EIF2AK2: variants seen among roughly 807,000 people sequenced by gnomAD.
EIF2AK2 encodes the protein eukaryotic translation initiation factor 2 alpha kinase 2, also known as interferon-induced, double-stranded RNA-activated protein kinase.
A neutral mutation model predicts 70.5 loss-of-function variants in EIF2AK2; 40 were observed. The ratio of observed to expected loss-of-function variants is 0.57; its 90% CI spans 0.44 to 0.74. EIF2AK2 has a LOEUF of 0.74. Among genes scored for constraint, EIF2AK2 ranks in the 30% least tolerant of loss-of-function variants. EIF2AK2 has a pLI of 0.00. For synonymous variants in EIF2AK2, 198 were observed against 220.9 expected (o/e 0.90, Z 0.92); for missense variants, 555 against 644.3 (o/e 0.86, Z 1.50).
chr2:37,147,093 T>G (rs1675572528), intron 3 of EIF2AK2, 120 bp from the exon 4 acceptor site: 2 of 940,370 alleles, frequency 2.1e-6, no homozygotes, highest in Middle Eastern at 3.5e-4. Flanking sequence ...ACATTCAATA[T>G]AGCATTTAAG....
chr2:37,134,304 C>G (rs1272947337), intron 10 of EIF2AK2, among the ~76,000 whole-genome samples: 4 of 152,186 alleles, frequency 2.6e-5, no homozygotes, highest in Admixed American at 2.6e-4. Context: ...AAACACACCC[C>G]ACTTTTACAA....
At chr2:37,119,904 T>A in intron 13 of EIF2AK2, 55 bp downstream of exon 13, 1 of 1,034,228 alleles carries the variant, frequency 9.7e-7, no homozygotes, top group Non-Finnish European at 1.2e-6. Context: ...GAAGATATAT[T>A]TTAAAATTAC....
At chr2:37,139,105 C>T (rs1235324700) in intron 6 of EIF2AK2, among the ~76,000 whole-genome samples, 1 of 151,814 alleles carries the variant, frequency 6.6e-6, no homozygotes, top group African/African-American at 2.4e-5. Context: ...ATCATGAGGT[C>T]AGGAGTTCAA....
intron 1 of EIF2AK2, among the ~76,000 whole-genome samples, chr2:37,152,053 GA>G (rs1413034924): frequency 6.6e-6 from 1 of 152,312 alleles, no homozygotes; most frequent in East Asian, 1.9e-4. Flanking sequence ...GCGACAGAGC[GA>G]AGACTCCATC....
In EIF2AK2 at chr2:37,126,923, C is replaced by T. The variant is rs554712924; in HGVS notation, c.786-512G>A. 5.7e-4 allele frequency among the ~76,000 whole-genome samples: 78 copies of T among 136,058 alleles called. No homozygotes were observed. The South Asian group carries it at 0.017, about 30-fold the overall frequency. The allele number at this position is 136,058 out of a possible 152,430, so 89.3% of individuals were successfully genotyped here. On this transcript the variant is annotated intron_variant, in intron 10 of 16. Coordinates refer to ENST00000233057, the MANE Select transcript of EIF2AK2 (RefSeq NM_001135651.3). ...AGTGAGCCAAGATCACACCACTGCA[C>T]TCCAGCCTGGGCGACAAGAATGAAA...
In EIF2AK2 at chr2:37,120,113, T is replaced by C. The variant is rs781012055; in HGVS notation, c.1094A>G (p.Gln365Arg). Residue 365 changes from glutamine (Q) to arginine (R), a missense_variant, in exon 13 of 17, where the codon CAA (glutamine) becomes CGA (arginine). Coordinates refer to ENST00000233057, the MANE Select transcript of EIF2AK2 (RefSeq NM_001135651.3). ...GGTCCCTTTATCACAGAATTCCATT[T>C]GGATGAAAAGGCACTTAGTCTTTGA... is the stretch of plus-strand genomic sequence containing the variant. ...SRSKTKCLFI[Q>R]MEFCDKGTLE... is the part of the protein sequence containing the mutation. 1 of 1,472,286 alleles carries C rather than the reference T, an allele frequency of 6.8e-7. No homozygotes were observed. The highest frequency in any genetic ancestry group is 2.6e-5 in the East Asian group (1 of 38,632). 91.2% of individuals were successfully genotyped at this position (1,472,286 alleles called of 1,614,324 possible). A position where few individuals can be genotyped will look rare whatever the true frequency, so the allele number is the denominator to read the frequency against.
intron 11 of EIF2AK2, 76 bp downstream of exon 11, chr2:37,126,213 G>C (rs1558416738): frequency 5.5e-6 from 8 of 1,463,298 alleles, no homozygotes; most frequent in East Asian, 4.7e-5. Flanking sequence ...TAATAAAGAA[G>C]AGAGAAGCAT....
intron 10 of EIF2AK2, among the ~76,000 whole-genome samples, chr2:37,134,783 C>G (rs988561858): frequency 4.0e-5 from 6 of 150,760 alleles, no homozygotes; most frequent in Non-Finnish European, 8.8e-5. Flanking sequence ...GGCACCAACA[C>G]ATATCTTTGT....
chr2:37,105,547 G>A lies in EIF2AK2; in HGVS notation c.*1726C>T, dbSNP rs956108496. ...GGGAAGAAGCAGATGCTGGTGCCATGTTTCTTGTACAGCCTGCAGAACTGT... is the reference window on the plus strand; with the variant it reads ...GGGAAGAAGCAGATGCTGGTGCCATATTTCTTGTACAGCCTGCAGAACTGT... On this transcript the variant is annotated 3_prime_UTR_variant, in exon 17 of 17. Coordinates refer to ENST00000233057, the MANE Select transcript of EIF2AK2 (RefSeq NM_001135651.3). 6.6e-6 allele frequency: 1 copy of A among 152,296 alleles called. No individual in the cohort carries two copies. Among genetic ancestry groups the A allele is most frequent in the Non-Finnish European group, 1.5e-5 (1 of 68,144 alleles). The allele number at this position is 152,296 out of a possible 1,614,324, so 9.4% of individuals were successfully genotyped here. A position where few individuals can be genotyped will look rare whatever the true frequency, so the allele number is the denominator to read the frequency against.
At chr2:37,145,546 T>C (rs527999746) in intron 4 of EIF2AK2, among the ~76,000 whole-genome samples, 4 of 152,196 alleles carry the variant, frequency 2.6e-5, no homozygotes, top group South Asian at 2.1e-4. Flanking sequence ...TAATTTATTA[T>C]TGAAGAAAAA....
At chr2:37,125,020 AT>A (rs890774405) in intron 11 of EIF2AK2, among the ~76,000 whole-genome samples, 31 of 149,366 alleles carry the variant, frequency 2.1e-4, no homozygotes, top group African/African-American at 7.1e-4. Context: ...TTTTATTTTT[AT>A]TTTTTTTTGA....
chr2:37,149,449 A>C, intron 1 of EIF2AK2: 1 of 452,622 alleles, frequency 2.2e-6, no homozygotes, highest in Non-Finnish European at 4.0e-6. Flanking sequence ...GGGTGCTTTA[A>C]GATTCACTAT....
At chr2:37,112,802 A>G (rs1674204506) in intron 14 of EIF2AK2, among the ~76,000 whole-genome samples, 1 of 152,186 alleles carries the variant, frequency 6.6e-6, no homozygotes, top group South Asian at 2.1e-4. Context: ...TTTTATGCCT[A>G]CAATTCAGTG....
chr2:37,122,455 TAAC>T, intron 12 of EIF2AK2, 48 bp downstream of exon 12: 9 of 1,588,950 alleles, frequency 5.7e-6, no homozygotes, highest in Non-Finnish European at 6.9e-6. Flanking sequence ...ACATAGTAAA[TAAC>T]AATTTCCTTC....
intron 10 of EIF2AK2, among the ~76,000 whole-genome samples, chr2:37,128,767 G>A (rs1251461453): frequency 6.6e-6 from 1 of 152,106 alleles, no homozygotes; most frequent in Non-Finnish European, 1.5e-5. Context: ...AAAATCCAGT[G>A]GCCAATGATG....
At chr2:37,135,285 G>A (rs1675087258) in intron 10 of EIF2AK2, among the ~76,000 whole-genome samples, 199 bp downstream of exon 10, 1 of 152,294 alleles carries the variant, frequency 6.6e-6, no homozygotes, top group South Asian at 2.1e-4. Flanking sequence ...CTTGGTTTGG[G>A]AACAAAATCA....
intron 14 of EIF2AK2, among the ~76,000 whole-genome samples, chr2:37,112,491 C>T (rs1674194283): frequency 6.6e-6 from 1 of 152,112 alleles, no homozygotes; most frequent in African/African-American, 2.4e-5. Context: ...ACCTCAAAAC[C>T]AGTTATGGAA....
At chr2:37,144,589 CTT>C (rs199752511) in intron 4 of EIF2AK2, among the ~76,000 whole-genome samples, 10 of 144,424 alleles carry the variant, frequency 6.9e-5, no homozygotes, top group Admixed American at 6.9e-5. Context: ...TTTTTTCTTT[CTT>C]TTTTTTTTTT....
At chr2:37,147,386 T>C (rs1174538992) in intron 3 of EIF2AK2, among the ~76,000 whole-genome samples, 1 of 151,956 alleles carries the variant, frequency 6.6e-6, no homozygotes, top group Non-Finnish European at 1.5e-5. Context: ...TATGTATACA[T>C]GTGCCATGTT....
Sources: allele counts gnomAD v4.1 joint callset (sites outside exome capture counted in the v4.1 genomes callset), GRCh38; gene constraint gnomAD v4.1.1; transcripts MANE v1.5; gene names NCBI Gene and HGNC (gene_info 2026-07-23, HGNC 2026-07-21).